The following FBXW8 variants were observed in gnomAD, a reference collection of about 807,000 sequenced individuals.
FBXW8 encodes the protein F-box/WD repeat-containing protein 8.
FBXW8 carries 57 observed loss-of-function variants against 65.3 expected under a neutral mutation model. The ratio of observed to expected loss-of-function variants is 0.87; its 90% CI spans 0.71 to 1.09. The LOEUF is 1.09. Ranked by LOEUF, FBXW8 falls within the 50% of genes least tolerant of loss-of-function variation. The pLI, the probability that FBXW8 is intolerant of heterozygous loss-of-function variation, is 0.00. For missense variants in FBXW8, 777 were observed against 814.8 expected (o/e 0.95, Z 0.57); for synonymous variants, 308 against 330.2 (o/e 0.93, Z 0.73).
intron 6 of FBXW8, among the ~76,000 whole-genome samples, chr12:116,987,911 C>T (rs146007256): frequency 1.3e-5 from 2 of 152,142 alleles, no homozygotes; most frequent in African/African-American, 4.8e-5. Flanking sequence ...CTTTCTCCAC[C>T]CCCACCTTGT....
At chr12:117,007,832 G>A (rs2133684) in intron 7 of FBXW8, among the ~76,000 whole-genome samples, 4,203 of 152,152 alleles carry the variant, frequency 0.028, 166 homozygotes, top group East Asian at 0.18. Context: ...AGAGTGCGTG[G>A]GAGGGAGGGA....
At chr12:116,921,277 C>T (rs530872395) in intron 1 of FBXW8, among the ~76,000 whole-genome samples, 4 of 152,198 alleles carry the variant, frequency 2.6e-5, no homozygotes, top group Non-Finnish European at 4.4e-5. Context: ...TTATATCACC[C>T]GCACATGTGA....
In FBXW8 at chr12:117,017,185, C is replaced by T. The variant is rs1953973114; in HGVS notation, c.1367+6735C>T. Among the ~76,000 whole-genome samples, 3 of 152,346 alleles carry T rather than the reference C, an allele frequency of 2.0e-5. No individual in the cohort carries two copies. In the South Asian group the frequency reaches 6.2e-4, roughly 32 times the overall value. On this transcript the variant is annotated intron_variant, in intron 8 of 10. Coordinates refer to ENST00000652555, the MANE Select transcript of FBXW8 (RefSeq NM_153348.3). ...TAACTAAATGTTTTAGTATTTCCAA[C>T]TTGGGACCATGTGCCCTTTTCTTGG...
chr12:116,990,440 C>G (rs148374666), intron 7 of FBXW8, among the ~76,000 whole-genome samples: 30 of 152,262 alleles, frequency 2.0e-4, no homozygotes, highest in African/African-American at 7.2e-4. Flanking sequence ...TCTAAAAAAA[C>G]TTTCTTTTCC....
At position 117,027,546 on chromosome 12, in the gene FBXW8, G is replaced by A. The variant is rs1565949320; in HGVS notation, c.1652+42G>A. On this transcript the variant is annotated intron_variant, in intron 10 of 10. Coordinates refer to ENST00000652555, the MANE Select transcript of FBXW8 (RefSeq NM_153348.3). ...GGCGAGTAAGAGACCATCTTAGTTT[G>A]ACTGATGTATAGAACCCCACCCCCC... The A allele has an allele frequency of 2.7e-6, 4 of 1,496,564 alleles. No homozygotes were observed. In the Admixed American group the frequency reaches 7.0e-5, roughly 26 times the overall value. 92.7% of individuals were successfully genotyped at this position (1,496,564 alleles called of 1,614,324 possible). A position where few individuals can be genotyped will look rare whatever the true frequency, so the allele number is the denominator to read the frequency against.
intron 7 of FBXW8, among the ~76,000 whole-genome samples, chr12:117,004,672 T>C (rs1444137098): frequency 1.3e-5 from 2 of 152,186 alleles, no homozygotes; most frequent in South Asian, 2.1e-4. Flanking sequence ...TCTGCACCAA[T>C]AGATACTTTC....
intron 7 of FBXW8, among the ~76,000 whole-genome samples, chr12:117,000,362 T>C (rs576605113): frequency 3.3e-5 from 5 of 152,360 alleles, no homozygotes; most frequent in African/African-American, 1.2e-4. Context: ...TAAGCACTGA[T>C]AGCTGAGTAA....
At chr12:116,946,681 C>T (rs995472478) in intron 3 of FBXW8, among the ~76,000 whole-genome samples, 2 of 152,114 alleles carry the variant, frequency 1.3e-5, no homozygotes, top group African/African-American at 2.4e-5. Flanking sequence ...AGACAGGTCA[C>T]GCTGGCCCCA....
At chr12:116,937,461 A>G (rs1433520130) in intron 2 of FBXW8, among the ~76,000 whole-genome samples, 1 of 152,226 alleles carries the variant, frequency 6.6e-6, no homozygotes, top group Non-Finnish European at 1.5e-5. Flanking sequence ...GTTCCCTGCC[A>G]GGCAGGAAGA....
chr12:117,011,148 G>C (rs1406101266), intron 8 of FBXW8, among the ~76,000 whole-genome samples: 1 of 53,122 alleles, frequency 1.9e-5, no homozygotes, highest in East Asian at 5.5e-4. Context: ...TTTTTGGCCA[G>C]TTATCTGCTG....
At chr12:116,921,014 C>A (rs918258531) in intron 1 of FBXW8, among the ~76,000 whole-genome samples, 1 of 152,194 alleles carries the variant, frequency 6.6e-6, no homozygotes, top group Non-Finnish European at 1.5e-5. Flanking sequence ...AGGCCCAGCC[C>A]ATTTTGCTTC....
At chr12:116,912,284 C>T (rs1421127377) in intron 1 of FBXW8, among the ~76,000 whole-genome samples, 2 of 151,022 alleles carry the variant, frequency 1.3e-5, no homozygotes, top group Non-Finnish European at 2.9e-5. Flanking sequence ...AACTGCCTGG[C>T]TCAAGCCATC....
At chr12:116,976,891 T>C (rs1016985173) in intron 5 of FBXW8, among the ~76,000 whole-genome samples, 4 of 152,152 alleles carry the variant, frequency 2.6e-5, no homozygotes, top group Non-Finnish European at 5.9e-5. Context: ...TTCAAAATCA[T>C]TTCAGGGGGT....
chr12:116,984,225 C>G (rs1485504040), intron 5 of FBXW8, among the ~76,000 whole-genome samples: 1 of 152,182 alleles, frequency 6.6e-6, no homozygotes, highest in Non-Finnish European at 1.5e-5. Flanking sequence ...AAAGCATAAG[C>G]TCCTGTAGAC....
At chr12:116,965,925 A>ATTTTT (rs10630126) in intron 5 of FBXW8, among the ~76,000 whole-genome samples, 2 of 137,310 alleles carry the variant, frequency 1.5e-5, no homozygotes, top group South Asian at 2.3e-4. Flanking sequence ...TGCCCAGCTA[A>ATTTTT]TTTTTTTTTT....
chr12:116,930,932 C>T (rs533089884), intron 2 of FBXW8, among the ~76,000 whole-genome samples: 14 of 152,296 alleles, frequency 9.2e-5, no homozygotes, highest in Middle Eastern at 3.4e-3. Flanking sequence ...CTCAACCTCC[C>T]GAGTAGCTGG....
At chr12:116,929,543 CT>C (rs58484905) in intron 2 of FBXW8, among the ~76,000 whole-genome samples, 123,205 of 152,038 alleles carry the variant, frequency 0.81, 50,659 homozygotes, top group East Asian at 0.95. Context: ...ACTGATTTTT[CT>C]TTTTTTAAAA....
At chr12:116,985,525 T>C (rs2135670070) in intron 6 of FBXW8, 123 bp downstream of exon 6, 2 of 884,460 alleles carry the variant, frequency 2.3e-6, no homozygotes, top group Non-Finnish European at 3.4e-6. Context: ...CTTACCTCCA[T>C]AAGTCTAACT....
Position 116,985,215 on chromosome 12 carries a change from A to G in FBXW8, c.845A>G (p.Asn282Ser), listed in dbSNP as rs377396777. 1.9e-6 allele frequency: 3 copies of G among 1,601,372 alleles called. No individual in the cohort carries two copies. Among genetic ancestry groups the G allele is most frequent in the Non-Finnish European group, 2.6e-6 (3 of 1,175,912 alleles). The change falls in exon 6 of 11, where the codon AAT becomes AGT. Residue 282 changes from asparagine (N) to serine (S), a missense_variant. Asn to Ser is a conservative substitution (Grantham distance 46). Transcript: ENST00000652555. ...AVAAYEDGFL[N>S]IWDLRTGKYP... ...GTTTCTTGCTGCATAGGGTTTCTTA[A>G]TATTTGGGATTTAAGGACCGGAAAG...
Sources: gnomAD v4.1 joint callset for allele counts (sites outside exome capture counted in the v4.1 genomes callset) on GRCh38, gnomAD v4.1.1 for gene constraint, MANE v1.5 for transcripts, NCBI Gene and HGNC (gene_info 2026-07-23, HGNC 2026-07-21) for gene names.